The following IGFL2 variants were observed in gnomAD, a reference collection of about 807,000 sequenced individuals.
IGFL2 encodes IGF like family member 2.
A neutral mutation model predicts 13.9 loss-of-function variants in IGFL2; 7 were observed. The ratio of observed to expected loss-of-function variants is 0.51; its 90% CI spans 0.29 to 0.95. The LOEUF (loss-of-function observed/expected upper bound fraction) is 0.95, where lower values mean the gene tolerates loss of function less well. Ranked by LOEUF, IGFL2 falls within the 40% of genes least tolerant of loss-of-function variation. The pLI is 0.08. For synonymous variants in IGFL2, 55 were observed against 55.8 expected (o/e 0.99, Z 0.07); for missense variants, 138 against 147.8 (o/e 0.93, Z 0.34).
chr19:46,163,237 CTTGGG>C (rs1376974757), downstream of IGFL2, among the ~76,000 whole-genome samples: 1 of 152,164 alleles, frequency 6.6e-6, no homozygotes, highest in Non-Finnish European at 1.5e-5. Flanking sequence ...GTGATTATGA[CTTGGG>C]ACTCCTGGGC....
the IGFL2 span, among the ~76,000 whole-genome samples, chr19:46,185,188 A>G: frequency 6.6e-6 from 1 of 150,834 alleles, no homozygotes; most frequent in Non-Finnish European, 1.5e-5. Flanking sequence ...TTTTTCTCCC[A>G]CTCTGTAGGT....
At chr19:46,117,412 T>C in the IGFL2 span, among the ~76,000 whole-genome samples, 1 of 152,154 alleles carries the variant, frequency 6.6e-6, no homozygotes, top group Non-Finnish European at 1.5e-5. Flanking sequence ...AAGTCAATTT[T>C]TTTTTCTGAT....
Position 46,160,843 on chromosome 19 carries a change from C to T in IGFL2, c.303C>T (p.Ser101=). 1 of 1,613,926 alleles carries T rather than the reference C, an allele frequency of 6.2e-7. No individual in the cohort carries two copies. Among genetic ancestry groups the T allele is most frequent in the Admixed American group, 1.7e-5 (1 of 60,016 alleles). The part of the protein sequence containing the change: ...VVKLKVQGVN[S]QCHSSPISSK... ...AGCTGAAGGTTCAGGGTGTGAATTC[C>T]CAGTGCCACTCATCTCCCATCTCCA... Residue 101 remains serine (S), a synonymous_variant, in exon 3 of 4, where the codon TCC becomes TCT. Transcript: ENST00000377693.
chr19:46,124,260 G>T, the IGFL2 span: 3 of 1,610,220 alleles, frequency 1.9e-6, 1 homozygote, highest in Non-Finnish European at 1.7e-6. Flanking sequence ...TCCCTGTCCT[G>T]TCCTTACCTG....
At chr19:46,115,376 G>C in the IGFL2 span, among the ~76,000 whole-genome samples, 1 of 152,060 alleles carries the variant, frequency 6.6e-6, no homozygotes, top group African/African-American at 2.4e-5. Flanking sequence ...CAAAATATCA[G>C]GTAAGGCACA....
chr19:46,123,834 T>C, the IGFL2 span: 1 of 1,542,688 alleles, frequency 6.5e-7, no homozygotes, highest in Non-Finnish European at 8.8e-7. Flanking sequence ...GCCCTCTGTA[T>C]CCCTCATCCC....
chr19:46,096,405 T>C, the IGFL2 span, among the ~76,000 whole-genome samples: 2 of 152,168 alleles, frequency 1.3e-5, no homozygotes, highest in Non-Finnish European at 2.9e-5. Context: ...GCTTGTCAGC[T>C]TAAGGAGCTT....
At chr19:46,114,440 G>C in the IGFL2 span, among the ~76,000 whole-genome samples, 2 of 152,108 alleles carry the variant, frequency 1.3e-5, no homozygotes, top group South Asian at 4.1e-4. Flanking sequence ...TTTCTTATTT[G>C]GTTAGTCTTT....
the IGFL2 span, among the ~76,000 whole-genome samples, chr19:46,092,815 T>C: frequency 0.011 from 1,637 of 152,192 alleles, 30 homozygotes; most frequent in African/African-American, 0.037. Context: ...ATTGAAATTG[T>C]TATTTTATCA....
chr19:46,087,119 T>A, the IGFL2 span, among the ~76,000 whole-genome samples: 6 of 152,166 alleles, frequency 3.9e-5, no homozygotes, highest in Non-Finnish European at 8.8e-5. Flanking sequence ...GGTCGCTTGA[T>A]CAGGTATTGA....
At chr19:46,079,353 G>C in the IGFL2 span, among the ~76,000 whole-genome samples, 1 of 151,842 alleles carries the variant, frequency 6.6e-6, no homozygotes, top group East Asian at 1.9e-4. Context: ...CGCTCCCCTC[G>C]TGGGCGTCAG....
the IGFL2 span, among the ~76,000 whole-genome samples, chr19:46,133,834 C>T: frequency 6.6e-6 from 1 of 152,130 alleles, no homozygotes; most frequent in Non-Finnish European, 1.5e-5. Flanking sequence ...CATTACTGGT[C>T]TTGGGTTCTT....
At chr19:46,104,669 T>C in the IGFL2 span, among the ~76,000 whole-genome samples, 1 of 152,208 alleles carries the variant, frequency 6.6e-6, no homozygotes, top group Non-Finnish European at 1.5e-5. Context: ...GGCAAATCCC[T>C]GAGCTTGATG....
the IGFL2 span, among the ~76,000 whole-genome samples, chr19:46,116,909 A>G: frequency 3.3e-5 from 5 of 152,284 alleles, no homozygotes; most frequent in South Asian, 8.3e-4. Flanking sequence ...TAAATTATTT[A>G]TATTGTACAA....
At chr19:46,103,863 C>T in the IGFL2 span, among the ~76,000 whole-genome samples, 508 of 152,154 alleles carry the variant, frequency 3.3e-3, 24 homozygotes, top group East Asian at 0.088. Context: ...TGAGTACTTG[C>T]GACTTCCAGG....
chr19:46,136,663 AT>A, the IGFL2 span: 79 of 428,210 alleles, frequency 1.8e-4, 1 homozygote, highest in Middle Eastern at 5.2e-4. Context: ...TAATAAAAAA[AT>A]ATATAAAATA....
chr19:46,201,295 C>T, the IGFL2 span, among the ~76,000 whole-genome samples: 2 of 152,252 alleles, frequency 1.3e-5, no homozygotes, highest in African/African-American at 4.8e-5. Flanking sequence ...GGTCAGTGCC[C>T]TCAGGATAGA....
At chr19:46,191,146 G>T in the IGFL2 span, among the ~76,000 whole-genome samples, 5 of 151,902 alleles carry the variant, frequency 3.3e-5, no homozygotes, top group Non-Finnish European at 7.4e-5. Context: ...TAACAAAAAA[G>T]TTATTAAATA....
chr19:46,145,939 C>G (rs1175109371), upstream of IGFL2, among the ~76,000 whole-genome samples: 1 of 152,124 alleles, frequency 6.6e-6, no homozygotes, highest in African/African-American at 2.4e-5. Context: ...GGTAGCCTGT[C>G]TGTTGCTTCA....
Sources: gnomAD v4.1 joint callset for allele counts (sites outside exome capture counted in the v4.1 genomes callset) on GRCh38, gnomAD v4.1.1 for gene constraint, MANE v1.5 for transcripts, NCBI Gene and HGNC (gene_info 2026-07-23, HGNC 2026-07-21) for gene names.